The following CAMTA1 variants were observed in gnomAD, a reference collection of about 807,000 sequenced individuals.
CAMTA1 encodes the protein calmodulin-binding transcription activator 1.
A neutral mutation model predicts 170.9 loss-of-function variants in CAMTA1; 27 were observed. The observed-to-expected ratio is 0.16, with a 90% CI of 0.12 to 0.22. The LOEUF is 0.22. Ranked by LOEUF, CAMTA1 falls within the 10% of genes least tolerant of loss-of-function variation. CAMTA1 has a pLI of 1.00. For missense variants in CAMTA1, 1,619 were observed against 2,217.2 expected (o/e 0.73, Z 5.42); for synonymous variants, 833 against 891.5 (o/e 0.93, Z 1.17).
At chr1:7,106,698 T>C (rs999329127) in intron 4 of CAMTA1, among the ~76,000 whole-genome samples, 8 of 152,140 alleles carry the variant, frequency 5.3e-5, no homozygotes, top group Non-Finnish European at 1.2e-4. Flanking sequence ...ATTATAATTT[T>C]CCAGTGAAAC....
At chr1:7,620,339 A>G (rs534287964) in intron 6 of CAMTA1, among the ~76,000 whole-genome samples, 4 of 152,324 alleles carry the variant, frequency 2.6e-5, no homozygotes, top group African/African-American at 9.6e-5. Context: ...TACAGCCCCA[A>G]GTGTCTACAG....
At position 7,723,971 on chromosome 1, in the gene CAMTA1, C is replaced by G. The variant is rs1330761305; in HGVS notation, c.2915-8477C>G. 5.9e-5 allele frequency among the ~76,000 whole-genome samples: 9 copies of G among 152,306 alleles called. No individual in the cohort carries two copies. In the East Asian group the frequency reaches 1.2e-3, roughly 20 times the overall value. ...AGTAGCTGGGATTACAGGTGCCCAC[C>G]ACCACACCCGGCTAATTTTTGTATT... On this transcript the variant is annotated intron_variant, in intron 11 of 22. Transcript: ENST00000303635.
intron 6 of CAMTA1, among the ~76,000 whole-genome samples, chr1:7,606,312 C>T (rs565020628): frequency 5.6e-4 from 85 of 152,216 alleles, no homozygotes; most frequent in African/African-American, 1.8e-3. Context: ...CAGCAGCTGC[C>T]GGCCATGATG....
At chr1:6,889,360 T>C (rs1674020389) in intron 3 of CAMTA1, among the ~76,000 whole-genome samples, 1 of 152,228 alleles carries the variant, frequency 6.6e-6, no homozygotes, top group Non-Finnish European at 1.5e-5. Context: ...ATTTATAGTT[T>C]CATGGCAAAT....
intron 3 of CAMTA1, among the ~76,000 whole-genome samples, chr1:6,844,988 T>C (rs1266217743): frequency 6.6e-6 from 1 of 152,086 alleles, no homozygotes; most frequent in Non-Finnish European, 1.5e-5. Flanking sequence ...ATTTTACAAC[T>C]GTGGGGAAAA....
intron 3 of CAMTA1, among the ~76,000 whole-genome samples, chr1:6,862,293 G>C (rs1022413836): frequency 6.6e-6 from 1 of 152,084 alleles, no homozygotes. Flanking sequence ...CTTTTTTTGT[G>C]ACTGGTCTAT....
chr1:6,902,083 AT>A (rs1365846113), intron 3 of CAMTA1, among the ~76,000 whole-genome samples: 27 of 145,058 alleles, frequency 1.9e-4, no homozygotes, highest in South Asian at 4.3e-4. Context: ...AAAAAAAAAA[AT>A]AAAAATAAAA....
At chr1:7,720,988 T>C (rs931233196) in intron 11 of CAMTA1, among the ~76,000 whole-genome samples, 1 of 152,206 alleles carries the variant, frequency 6.6e-6, no homozygotes, top group African/African-American at 2.4e-5. Flanking sequence ...CGGAGGCTGC[T>C]CAGGGTTCTT....
At position 6,798,058 on chromosome 1, in the gene CAMTA1, G is replaced by A. The variant is rs12116849; in HGVS notation, c.45+12483G>A. Reference sequence around the variant, plus strand: ...GTCCCCCAGGCTGCAGTGCGATGGCGCGATCTTGGTTCATTGCAACCTCCG... The same window carrying A: ...GTCCCCCAGGCTGCAGTGCGATGGCACGATCTTGGTTCATTGCAACCTCCG... On this transcript the variant is annotated intron_variant, in intron 1 of 22. Coordinates refer to ENST00000303635, the MANE Select transcript of CAMTA1 (RefSeq NM_015215.4). Among the ~76,000 whole-genome samples the A allele has an allele frequency of 5.2e-3, 779 of 150,422 alleles. 3 individuals carry two copies. The highest frequency in any genetic ancestry group is 6.3e-3 in the Non-Finnish European group (429 of 67,802).
intron 7 of CAMTA1, among the ~76,000 whole-genome samples, chr1:7,654,396 A>C (rs1045950368): frequency 6.6e-6 from 1 of 151,820 alleles, no homozygotes; most frequent in Non-Finnish European, 1.5e-5. Flanking sequence ...TAAATAAATA[A>C]ATATATTAAA....
At chr1:7,279,715 G>A (rs1269260919) in intron 5 of CAMTA1, among the ~76,000 whole-genome samples, 1 of 152,188 alleles carries the variant, frequency 6.6e-6, no homozygotes, top group Non-Finnish European at 1.5e-5. Flanking sequence ...AGCCCACAGT[G>A]TGGGGCTTTG....
chr1:6,823,545 G>A (rs910363503), intron 2 of CAMTA1, among the ~76,000 whole-genome samples: 1 of 152,074 alleles, frequency 6.6e-6, no homozygotes, highest in Non-Finnish European at 1.5e-5. Context: ...GACCAAAAAA[G>A]ATTTAGTATG....
Position 7,451,553 on chromosome 1 carries a change from G to T in CAMTA1, c.439-16277G>T, listed in dbSNP as rs925923576. Among the ~76,000 whole-genome samples the T allele has an allele frequency of 3.9e-5, 6 of 152,260 alleles. No homozygotes were observed. The East Asian group carries it at 1.2e-3, about 29-fold the overall frequency. ...AGCCCCCTGAGCTTTACCAGAATACGCACTGTGTGCCAAGTGCTGTGTCAG... is the reference window on the plus strand; with the variant it reads ...AGCCCCCTGAGCTTTACCAGAATACTCACTGTGTGCCAAGTGCTGTGTCAG... On this transcript the variant is annotated intron_variant, in intron 5 of 22. Coordinates refer to ENST00000303635, the MANE Select transcript of CAMTA1 (RefSeq NM_015215.4).
intron 3 of CAMTA1, among the ~76,000 whole-genome samples, chr1:7,027,784 C>T (rs1702212838): frequency 6.6e-6 from 1 of 152,178 alleles, no homozygotes; most frequent in African/African-American, 2.4e-5. Context: ...ATCTGTCTTC[C>T]AGAGTTATGA....
At chr1:7,129,630 T>C (rs1196572275) in intron 4 of CAMTA1, among the ~76,000 whole-genome samples, 1 of 150,812 alleles carries the variant, frequency 6.6e-6, no homozygotes, top group African/African-American at 2.5e-5. Flanking sequence ...ATTTGTTCAT[T>C]TATAGTTTTA....
At chr1:7,081,531 ACTGTTTTAAAAT>A (rs1239557049) in intron 3 of CAMTA1, among the ~76,000 whole-genome samples, 3 of 152,186 alleles carry the variant, frequency 2.0e-5, no homozygotes, top group Non-Finnish European at 4.4e-5. Context: ...TTAGCATTGC[ACTGTTTTAAAAT>A]CTATTTCTTT....
At chr1:7,312,831 T>C (rs1037819233) in intron 5 of CAMTA1, among the ~76,000 whole-genome samples, 6 of 152,232 alleles carry the variant, frequency 3.9e-5, no homozygotes, top group African/African-American at 1.4e-4. Context: ...ATTTTGTGCC[T>C]TTCCTGAGCT....
intron 21 of CAMTA1, among the ~76,000 whole-genome samples, chr1:7,753,356 C>G (rs1232093700): frequency 1.3e-5 from 2 of 152,174 alleles, no homozygotes; most frequent in Non-Finnish European, 2.9e-5. Flanking sequence ...TGCGGCCATC[C>G]GAGCTGGGTG....
intron 16 of CAMTA1, among the ~76,000 whole-genome samples, chr1:7,739,569 G>A (rs1018157538): frequency 6.6e-6 from 1 of 152,312 alleles, no homozygotes; most frequent in East Asian, 1.9e-4. Flanking sequence ...ACAGTTCCAC[G>A]TGGTTGGGGA....
Sources: allele counts gnomAD v4.1 joint callset (sites outside exome capture counted in the v4.1 genomes callset), GRCh38; gene constraint gnomAD v4.1.1; transcripts MANE v1.5; gene names NCBI Gene and HGNC (gene_info 2026-07-23, HGNC 2026-07-21).